Variants in RELN observed in about 807,000 individuals in gnomAD.
The protein encoded by RELN is reelin.
Under a neutral mutation model 427.6 loss-of-function variants are expected in RELN, and 108 were observed. That is an observed-to-expected ratio of 0.25 (90% CI 0.22 to 0.30). The LOEUF (loss-of-function observed/expected upper bound fraction) is 0.30, where lower values mean the gene tolerates loss of function less well. Ranked by LOEUF, RELN falls within the 10% of genes least tolerant of loss-of-function variation. The pLI is 1.00. For missense variants in RELN, 3,715 were observed against 4,302.8 expected, an observed-to-expected ratio of 0.86 and a Z score of 3.82; for synonymous variants, 1,524 against 1,513.4, an observed-to-expected ratio of 1.01 and a Z score of -0.16.
chr7:103,892,444 G>A (rs578226882), intron 2 of RELN, among the ~76,000 whole-genome samples: 2 of 152,286 alleles, frequency 1.3e-5, no homozygotes, highest in South Asian at 4.1e-4. Context: ...AAGAGCATGT[G>A]TTACACATTA....
chr7:103,727,749 G>A (rs1325113272), intron 7 of RELN, among the ~76,000 whole-genome samples: 1 of 152,074 alleles, frequency 6.6e-6, no homozygotes, highest in Non-Finnish European at 1.5e-5. Context: ...GTTTTGACTT[G>A]CAAGGAGAAA....
At chr7:103,662,491 G>A (rs916402588) in intron 11 of RELN, among the ~76,000 whole-genome samples, 2 of 151,936 alleles carry the variant, frequency 1.3e-5, no homozygotes, top group African/African-American at 4.8e-5. Context: ...GTGTGGTGGT[G>A]CATGGCTGTA....
chr7:103,933,891 T>C (rs1795920324), intron 1 of RELN, among the ~76,000 whole-genome samples: 1 of 152,096 alleles, frequency 6.6e-6, no homozygotes, highest in African/African-American at 2.4e-5. Flanking sequence ...ACTTTCTCAA[T>C]AAATAGAGAG....
intron 1 of RELN, among the ~76,000 whole-genome samples, chr7:103,970,113 T>A (rs1473707701): frequency 6.6e-6 from 1 of 151,964 alleles, no homozygotes; most frequent in East Asian, 1.9e-4. Flanking sequence ...GATCTCATAC[T>A]GTATTGTCCA....
At position 103,569,193 on chromosome 7, in the gene RELN, T is replaced by A. The variant is rs538290151; in HGVS notation, c.4589-2434A>T. On this transcript the variant is annotated intron_variant, in intron 31 of 64. Transcript: ENST00000428762. The surrounding 1 kb of genome is among the most constrained non-coding windows in gnomAD (Gnocchi z 4.0). ...TTAGTAAGGACATTCAAGCAGCCTA[T>A]GGACAGGTCTACAGAGTGAGAAACT... Among the ~76,000 whole-genome samples, 1 of 152,312 alleles carries A rather than the reference T, an allele frequency of 6.6e-6. No homozygotes were observed. Among genetic ancestry groups the A allele is most frequent in the South Asian group, 2.1e-4 (1 of 4,830 alleles).
At chr7:103,764,226 A>G (rs1791372116) in intron 4 of RELN, among the ~76,000 whole-genome samples, 1 of 152,196 alleles carries the variant, frequency 6.6e-6, no homozygotes, top group Non-Finnish European at 1.5e-5. Flanking sequence ...GCACTTCATC[A>G]CGACATTTAA....
rs1489864853 is a variant in RELN, at chr7:103,502,888, C to CT, written c.8489+127dup. The CT allele has an allele frequency of 1.2e-5, 10 of 806,256 alleles. No homozygotes were observed. The African/African-American group carries it at 1.7e-4, about 14-fold the overall frequency. 49.9% of individuals were successfully genotyped at this position (806,256 alleles called of 1,614,324 possible). Reference sequence around the variant, plus strand: ...TGATGAAAGTAACCAATTAGAGAACCTTTAGAGTTAGGGAGAAAGAAAGCA... The same window carrying CT: ...TGATGAAAGTAACCAATTAGAGAACCTTTTAGAGTTAGGGAGAAAGAAAGCA... On this transcript the variant is annotated intron_variant, in intron 52 of 64. Coordinates refer to ENST00000428762, the MANE Select transcript of RELN (RefSeq NM_005045.4).
At chr7:103,484,639 C>T (rs997400416) in intron 61 of RELN, 5 of 152,016 alleles carry the variant, frequency 3.3e-5, no homozygotes, top group Admixed American at 3.3e-4. Flanking sequence ...GGCTTATTTT[C>T]TACACAAAGT....
intron 36 of RELN, among the ~76,000 whole-genome samples, chr7:103,561,031 A>G (rs1352126567): frequency 6.6e-6 from 1 of 152,232 alleles, no homozygotes; most frequent in Non-Finnish European, 1.5e-5. Flanking sequence ...ATTGCTTAAC[A>G]TTCTCTCTAA....
rs144681364 is a variant in RELN, at chr7:103,781,263, G to A, written c.474-4636C>T. On this transcript the variant is annotated intron_variant, in intron 3 of 64. Coordinates refer to ENST00000428762, the MANE Select transcript of RELN (RefSeq NM_005045.4). Reference sequence around the variant, plus strand: ...TGGCAAGCCTATTTGAATGTATTTAGAGCTGTCAAATAATTCATGGTGGTT... The same window carrying A: ...TGGCAAGCCTATTTGAATGTATTTAAAGCTGTCAAATAATTCATGGTGGTT... 1.7e-3 allele frequency among the ~76,000 whole-genome samples: 252 copies of A among 152,128 alleles called. 1 individual carries two copies. Among genetic ancestry groups the A allele is most frequent in the Admixed American group, 3.5e-3 (54 of 15,270 alleles).
chr7:103,797,489 C>A (rs1398354940), intron 3 of RELN, among the ~76,000 whole-genome samples: 1 of 152,142 alleles, frequency 6.6e-6, no homozygotes, highest in Non-Finnish European at 1.5e-5. Context: ...TGCTTTTCAC[C>A]CAACTTTCCC....
At chr7:103,615,748 G>A (rs1050272247) in intron 20 of RELN, among the ~76,000 whole-genome samples, 2 of 152,164 alleles carry the variant, frequency 1.3e-5, no homozygotes, top group Non-Finnish European at 2.9e-5. Flanking sequence ...GGCTCCCAAA[G>A]AATGTTTGTT....
At chr7:103,554,233 T>TG (rs1554376897) in intron 38 of RELN, among the ~76,000 whole-genome samples, 21 of 139,074 alleles carry the variant, frequency 1.5e-4, no homozygotes, top group East Asian at 2.1e-4. Context: ...ATATACTTTC[T>TG]GGGGGAAAAA....
At chr7:103,700,769 T>C in intron 9 of RELN, 141 bp downstream of exon 9, 1 of 687,814 alleles carries the variant, frequency 1.5e-6, no homozygotes. Context: ...TCATAATATG[T>C]GCATCCATAG....
intron 16 of RELN, among the ~76,000 whole-genome samples, chr7:103,645,535 A>G (rs1309735735): frequency 6.6e-6 from 1 of 151,914 alleles, no homozygotes; most frequent in African/African-American, 2.4e-5. Flanking sequence ...TAAGACAAAC[A>G]TTATAAAATG....
At chr7:103,671,141 T>C (rs1439064391) in intron 11 of RELN, among the ~76,000 whole-genome samples, 1 of 152,128 alleles carries the variant, frequency 6.6e-6, no homozygotes, top group East Asian at 1.9e-4. Context: ...ATGAGGTTTA[T>C]CTCTAGTACG....
At chr7:103,649,220 A>T (rs758433414) in intron 16 of RELN, among the ~76,000 whole-genome samples, 10 of 152,046 alleles carry the variant, frequency 6.6e-5, no homozygotes, top group Non-Finnish European at 1.5e-4. Flanking sequence ...AGAGTATGTC[A>T]CACACACAAA....
rs903596744 is a variant in RELN at position 103,640,495 on chromosome 7, A to G, written c.2069+48T>C. The G allele has an allele frequency of 3.2e-6, 5 of 1,580,288 alleles. No homozygotes were observed. The highest frequency in any genetic ancestry group is 4.3e-6 in the Non-Finnish European group (5 of 1,149,790). On this transcript the variant is annotated intron_variant, in intron 17 of 64. Coordinates refer to ENST00000428762, the MANE Select transcript of RELN (RefSeq NM_005045.4). The surrounding 1 kb of genome is among the most constrained non-coding windows in gnomAD (Gnocchi z 4.1). ...AATGACTTGCGACTTCAACACATACATTACACATCAAAAAGGAGAAGCATA... is the reference window on the plus strand; with the variant it reads ...AATGACTTGCGACTTCAACACATACGTTACACATCAAAAAGGAGAAGCATA...
At position 103,557,068 on chromosome 7, in the gene RELN, T is replaced by A; in HGVS notation, c.5706A>T (p.Gln1902His). ...CATTGATGAAAAGTATATTCGTTGT[T>A]TGAGGAAAGTAAAATTCATCCATCA... ...WHLMDEFYFP[Q>H]TTNILFINVP... The change falls in exon 38 of 65, where the codon CAA (glutamine) becomes CAT (histidine). Residue 1902 changes from glutamine (Q) to histidine (H), a missense_variant. By Grantham distance (24) the Gln-to-His change is conservative. Transcript: ENST00000428762. 6.2e-7 allele frequency: 1 copy of A among 1,613,528 alleles called. No individual in the cohort carries two copies. Among genetic ancestry groups the A allele is most frequent in the Non-Finnish European group, 8.5e-7 (1 of 1,179,428 alleles).
Sources: allele counts gnomAD v4.1 joint callset (sites outside exome capture counted in the v4.1 genomes callset), GRCh38; gene constraint gnomAD v4.1.1; non-coding constraint Gnocchi (gnomAD v3.1); transcripts MANE v1.5; gene names NCBI Gene and HGNC (gene_info 2026-07-23, HGNC 2026-07-21).